VRK2: variants seen among roughly 807,000 people sequenced by gnomAD.
The protein encoded by VRK2 is serine/threonine-protein kinase VRK2.
Under a neutral mutation model 57.6 loss-of-function variants are expected in VRK2, and 60 were observed. The ratio of observed to expected loss-of-function variants is 1.04; its 90% CI spans 0.85 to 1.29. The LOEUF is 1.29. Among genes scored for constraint, VRK2 ranks in the 50% most tolerant of loss-of-function variants. The probability of loss-of-function intolerance (pLI) is 0.00; values close to 1 mark genes in which losing one functional copy is unlikely to be tolerated. For missense variants in VRK2, 705 were observed against 588.1 expected (o/e 1.20, Z -2.06); for synonymous variants, 231 against 199.2 (o/e 1.16, Z -1.35).
At chr2:58,089,446 T>C (rs1672070100) in intron 6 of VRK2, among the ~76,000 whole-genome samples, 185 bp from the exon 7 acceptor site, 1 of 152,228 alleles carries the variant, frequency 6.6e-6, no homozygotes, top group African/African-American at 2.4e-5. Context: ...AGGATCATTT[T>C]ACTTTTTTCT....
At chr2:58,043,753 C>T (rs937930132), upstream of VRK2, among the ~76,000 whole-genome samples, 2 of 152,100 alleles carry the variant, frequency 1.3e-5, no homozygotes, top group Non-Finnish European at 2.9e-5. Context: ...GGTAAATATG[C>T]GAATGCTGGG....
chr2:58,118,537 A>G lies in VRK2; in HGVS notation c.544-4564A>G, dbSNP rs548408953. On this transcript the variant is annotated intron_variant, in intron 7 of 12. Coordinates refer to ENST00000340157, the MANE Select transcript of VRK2 (RefSeq NM_006296.7). ...TGAGGGAAGCTGGAGAAGATAGTAA[A>G]AAGAGGCCGCTTACCGGATTTGAAA... is the stretch of plus-strand genomic sequence containing the variant. 1.1e-4 allele frequency among the ~76,000 whole-genome samples: 16 copies of G among 152,334 alleles called. No homozygotes were observed. The East Asian group carries it at 2.1e-3, about 20-fold the overall frequency.
intron 1 of VRK2, among the ~76,000 whole-genome samples, chr2:57,913,674 T>C (rs1670060065): frequency 6.6e-6 from 1 of 152,172 alleles, no homozygotes; most frequent in South Asian, 2.1e-4. Flanking sequence ...CATTGTTTTG[T>C]TCAATATATG....
intron 1 of VRK2, among the ~76,000 whole-genome samples, chr2:57,969,407 A>G (rs1390803021): frequency 1.3e-5 from 2 of 152,096 alleles, no homozygotes; most frequent in African/African-American, 4.8e-5. Flanking sequence ...CAGATCAAGG[A>G]GAAAATACAT....
chr2:58,039,449 T>A (rs761082323), intron 3 of VRK2, among the ~76,000 whole-genome samples: 5 of 152,194 alleles, frequency 3.3e-5, no homozygotes, highest in Admixed American at 6.5e-5. Context: ...GATTGAATTC[T>A]TGTCTTTTCT....
chr2:58,099,924 A>G (rs903367951), intron 7 of VRK2, among the ~76,000 whole-genome samples: 8 of 152,060 alleles, frequency 5.3e-5, no homozygotes, highest in Non-Finnish European at 1.2e-4. Context: ...TTTTATGAAA[A>G]TGTGTTCTCC....
intron 7 of VRK2, among the ~76,000 whole-genome samples, chr2:58,119,562 T>C (rs1476757943): frequency 6.6e-6 from 1 of 151,614 alleles, no homozygotes; most frequent in Non-Finnish European, 1.5e-5. Flanking sequence ...TCAAATTAAT[T>C]TGTCAACATT....
At chr2:58,008,580 C>G (rs1673325324) in intron 1 of VRK2, among the ~76,000 whole-genome samples, 1 of 151,696 alleles carries the variant, frequency 6.6e-6, no homozygotes, top group African/African-American at 2.4e-5. Context: ...AACTAACAAT[C>G]TAAGCATCCA....
intron 7 of VRK2, among the ~76,000 whole-genome samples, chr2:58,102,157 A>G (rs955921662): frequency 2.0e-5 from 3 of 151,596 alleles, no homozygotes; most frequent in Non-Finnish European, 3.0e-5. Flanking sequence ...GCACATTCAC[A>G]TAGAGAAACT....
chr2:58,134,175 C>G (rs1177929892), intron 9 of VRK2, among the ~76,000 whole-genome samples: 1 of 152,064 alleles, frequency 6.6e-6, no homozygotes, highest in Non-Finnish European at 1.5e-5. Flanking sequence ...TTCCTCTTCC[C>G]CAAAGCGGGT....
chr2:58,132,090 C>A, intron 9 of VRK2, 162 bp downstream of exon 9: 1 of 750,706 alleles, frequency 1.3e-6, no homozygotes, highest in Non-Finnish European at 2.0e-6. Flanking sequence ...ACAACTAACA[C>A]ATAAAATCCA....
chr2:57,920,256 A>G (rs1670298161), intron 1 of VRK2, among the ~76,000 whole-genome samples: 1 of 152,130 alleles, frequency 6.6e-6, no homozygotes, highest in East Asian at 1.9e-4. Context: ...AGCCCAGAGC[A>G]CAATGTCTGG....
chr2:58,136,614 G>A (rs913466150), intron 10 of VRK2, among the ~76,000 whole-genome samples: 10 of 151,522 alleles, frequency 6.6e-5, no homozygotes, highest in African/African-American at 2.4e-4. Flanking sequence ...TCAAACTCCT[G>A]ACCTCGTGAT....
chr2:58,082,646 G>A (rs1198305051), intron 2 of VRK2, among the ~76,000 whole-genome samples: 1 of 151,912 alleles, frequency 6.6e-6, no homozygotes, highest in Non-Finnish European at 1.5e-5. Context: ...GAAGAAAGTA[G>A]ATCTGGCTAA....
intron 5 of VRK2, 125 bp downstream of exon 5, chr2:58,086,551 CT>C: frequency 1.3e-6 from 1 of 760,864 alleles, no homozygotes; most frequent in Non-Finnish European, 2.0e-6. Context: ...CTTGTATTGT[CT>C]TAGTTTCTGT....
At chr2:57,976,793 C>G (rs769095367) in intron 1 of VRK2, among the ~76,000 whole-genome samples, 8 of 152,002 alleles carry the variant, frequency 5.3e-5, no homozygotes, top group Admixed American at 1.3e-4. Context: ...AAATATTTGC[C>G]AAGACCTATG....
chr2:58,093,646 T>C (rs1672697590), intron 7 of VRK2, among the ~76,000 whole-genome samples: 2 of 152,200 alleles, frequency 1.3e-5, no homozygotes, highest in African/African-American at 2.4e-5. Context: ...TTTCTTTTGC[T>C]GTGCAGAAGC....
chr2:58,113,922 C>T (rs188857984), intron 7 of VRK2, among the ~76,000 whole-genome samples: 3,859 of 151,764 alleles, frequency 0.025, 161 homozygotes, highest in African/African-American at 0.089. Context: ...GTTGGGGCGG[C>T]GAAAATTTTT....
At chr2:57,999,326 C>A (rs1352122653) in intron 1 of VRK2, among the ~76,000 whole-genome samples, 1 of 152,086 alleles carries the variant, frequency 6.6e-6, no homozygotes, top group Non-Finnish European at 1.5e-5. Context: ...TTTGGTAGAT[C>A]CTCTAGGCTA....
Sources: allele counts gnomAD v4.1 joint callset (sites outside exome capture counted in the v4.1 genomes callset), GRCh38; gene constraint gnomAD v4.1.1; transcripts MANE v1.5; gene names NCBI Gene and HGNC (gene_info 2026-07-23, HGNC 2026-07-21).